Variants in COL6A3 observed in about 807,000 individuals in gnomAD.
COL6A3 encodes collagen type VI alpha 3 chain, also known as collagen alpha-3(VI) chain.
COL6A3 carries 137 observed loss-of-function variants against 274.1 expected under a neutral mutation model. The observed-to-expected ratio is 0.50, with a 90% CI of 0.44 to 0.58. The LOEUF (loss-of-function observed/expected upper bound fraction) is 0.58, where lower values mean the gene tolerates loss of function less well. Ranked by LOEUF, COL6A3 falls within the 20% of genes least tolerant of loss-of-function variation. The probability of loss-of-function intolerance (pLI) is 0.00; values close to 1 mark genes in which losing one functional copy is unlikely to be tolerated. For missense variants in COL6A3, 3,950 were observed against 4,124.9 expected (o/e 0.96, Z 1.16); for synonymous variants, 1,650 against 1,650.6 (o/e 1.00, Z 0.01).
intron 4 of COL6A3, among the ~76,000 whole-genome samples, chr2:237,385,103 G>A (rs2078112306): frequency 1.3e-5 from 2 of 152,102 alleles, no homozygotes; most frequent in Admixed American, 1.3e-4. Context: ...CCCTTCCCCA[G>A]TCTTCCTATC....
chr2:237,365,539 C>T (rs1180506974), intron 12 of COL6A3, among the ~76,000 whole-genome samples, 159 bp downstream of exon 12: 1 of 152,192 alleles, frequency 6.6e-6, no homozygotes, highest in African/African-American at 2.4e-5. Context: ...GAAGACAGTA[C>T]ATGACATTAG....
intron 39 of COL6A3, among the ~76,000 whole-genome samples, chr2:237,338,304 C>T (rs1256133324): frequency 1.3e-5 from 2 of 152,174 alleles, no homozygotes; most frequent in Non-Finnish European, 1.5e-5. Flanking sequence ...GAATGAGAGA[C>T]CACATGGAGC....
At position 237,368,518 on chromosome 2, in the gene COL6A3, A is replaced by C; in HGVS notation, c.4900+45T>G. Reference sequence around the variant, plus strand: ...TGATTACTTTTTTAACTAAAAAAAAAATGTTGATGTCACACTCTGTAGTCA... The same window carrying C: ...TGATTACTTTTTTAACTAAAAAAAACATGTTGATGTCACACTCTGTAGTCA... On this transcript the variant is annotated intron_variant, in intron 10 of 43. Transcript: ENST00000295550. The surrounding 1 kb of genome is among the most constrained non-coding windows in gnomAD (Gnocchi z 4.4). The C allele has an allele frequency of 6.2e-7, 1 of 1,601,508 alleles. No individual in the cohort carries two copies. The highest frequency in any genetic ancestry group is 8.5e-7 in the Non-Finnish European group (1 of 1,173,132).
At chr2:237,359,961 G>A in intron 17 of COL6A3, 127 bp downstream of exon 17, 1 of 939,426 alleles carries the variant, frequency 1.1e-6, no homozygotes, top group Middle Eastern at 2.9e-4. Flanking sequence ...TCCAATGAGA[G>A]GTCACGGGCT....
chr2:237,357,131 G>T, intron 23 of COL6A3: 1 of 693,654 alleles, frequency 1.4e-6, no homozygotes, highest in East Asian at 2.5e-5. Context: ...TATGTTTTTG[G>T]GGAGAGCAAG....
intron 3 of COL6A3, among the ~76,000 whole-genome samples, chr2:237,392,557 T>C (rs867739259): frequency 1.3e-5 from 2 of 152,222 alleles, no homozygotes; most frequent in South Asian, 4.1e-4. Flanking sequence ...ATCTTGGTGG[T>C]AACCATTTTT....
chr2:237,339,083 C>A lies in COL6A3; in HGVS notation c.8499G>T (p.Arg2833Ser). ...CCCCTTGGAACCAATCACACTGTTT[C>A]CTGATATCTGGGGACAAGTAAAAAG... Reference protein sequence around the residue: ...ENAFYLSPDIRKQCDWFQGDQ... With the variant: ...ENAFYLSPDISKQCDWFQGDQ... Residue 2833 changes from arginine to serine, a missense_variant, in exon 39 of 44, where the codon AGG (arginine) becomes AGT (serine). Coordinates refer to ENST00000295550, the MANE Select transcript of COL6A3 (RefSeq NM_004369.4). 1 of 1,614,046 alleles carries A rather than the reference C, an allele frequency of 6.2e-7. No homozygotes were observed. Among genetic ancestry groups the A allele is most frequent in the Non-Finnish European group, 8.5e-7 (1 of 1,180,000 alleles).
At chr2:237,408,438 G>A (rs34843977) in intron 1 of COL6A3, among the ~76,000 whole-genome samples, 6,314 of 152,286 alleles carry the variant, frequency 0.041, 159 homozygotes, top group Non-Finnish European at 0.052. Context: ...CCGCCGGGCC[G>A]GCTGTGGGTT....
intron 42 of COL6A3, chr2:237,327,779 G>A (rs1277439697): frequency 6.6e-6 from 1 of 151,674 alleles, no homozygotes; most frequent in African/African-American, 2.4e-5. Flanking sequence ...GAGACATGTC[G>A]TTTTGGCTGG....
Position 237,413,672 on chromosome 2 carries a change from G to A in COL6A3, c.-31+281C>T, listed in dbSNP as rs184558128. Reference sequence around the variant, plus strand: ...AAATCATGGGCCGAAACACACTGCCGCCCGGAATGCACAGGGCGCGTGTAG... The same window carrying A: ...AAATCATGGGCCGAAACACACTGCCACCCGGAATGCACAGGGCGCGTGTAG... On this transcript the variant is annotated intron_variant, in intron 1 of 43. Coordinates refer to ENST00000295550, the MANE Select transcript of COL6A3 (RefSeq NM_004369.4). The surrounding 1 kb of genome is among the most constrained non-coding windows in gnomAD (Gnocchi z 4.0). Among the ~76,000 whole-genome samples the A allele has an allele frequency of 4.6e-5, 7 of 152,316 alleles. No homozygotes were observed. The highest frequency in any genetic ancestry group is 3.3e-4 in the Admixed American group (5 of 15,306).
chr2:237,333,829 G>C (rs2106311086), intron 41 of COL6A3, among the ~76,000 whole-genome samples: 1 of 152,308 alleles, frequency 6.6e-6, no homozygotes, highest in East Asian at 1.9e-4. Context: ...GGAAAATAGA[G>C]CCCTAGGGTT....
intron 28 of COL6A3, among the ~76,000 whole-genome samples, chr2:237,349,253 G>T (rs2645766): frequency 0.23 from 34,588 of 151,990 alleles, 4,777 homozygotes; most frequent in African/African-American, 0.38. Context: ...TCAGAAGAAC[G>T]TGTGTGAATT....
Position 237,344,893 on chromosome 2 carries a change from A to G in COL6A3, c.7174+48T>C. On this transcript the variant is annotated intron_variant, in intron 35 of 43. Coordinates refer to ENST00000295550, the MANE Select transcript of COL6A3 (RefSeq NM_004369.4). The surrounding 1 kb of genome is among the most constrained non-coding windows in gnomAD (Gnocchi z 4.8). ...TTAAAGACAAACTGTACTTACTACA[A>G]AAGGGAGGCTTCCTTTCCTTAGGAG... 6.2e-7 allele frequency: 1 copy of G among 1,614,098 alleles called. No individual in the cohort carries two copies. The highest frequency in any genetic ancestry group is 8.5e-7 in the Non-Finnish European group (1 of 1,180,034).
chr2:237,380,771 AC>A, intron 5 of COL6A3, 143 bp downstream of exon 5: 1 of 798,892 alleles, frequency 1.3e-6, no homozygotes, highest in South Asian at 1.5e-5. Flanking sequence ...GCAAAAGGAA[AC>A]CTGGAATAAA....
chr2:237,354,472 C>G (rs1024791593), intron 24 of COL6A3, among the ~76,000 whole-genome samples: 12 of 152,148 alleles, frequency 7.9e-5, no homozygotes, highest in Non-Finnish European at 1.3e-4. Flanking sequence ...TTCACTAAGC[C>G]TAACTAAGGC....
At chr2:237,327,278 A>G (rs1397433925) in intron 42 of COL6A3, 1 of 152,144 alleles carries the variant, frequency 6.6e-6, no homozygotes, top group African/African-American at 2.4e-5. Flanking sequence ...GCGTTGGCCA[A>G]TGGACCCTAT....
Position 237,325,648 on chromosome 2 carries a change from T to C in COL6A3, c.9405A>G (p.Lys3135=). 2 of 1,614,140 alleles carry C rather than the reference T, an allele frequency of 1.2e-6. No individual in the cohort carries two copies. Among genetic ancestry groups the C allele is most frequent in the Non-Finnish European group, 1.7e-6 (2 of 1,179,994 alleles). ...CTCCATACCAGAATCTTGCACAGCT[T>C]TTGGTGTTTGGATCATAGTACCATT... ...ILKWYYDPNT[K]SCARFWYGGC... The change falls in exon 43 of 44, where the codon AAA becomes AAG. Residue 3135 remains lysine, a synonymous_variant. Coordinates refer to ENST00000295550, the MANE Select transcript of COL6A3 (RefSeq NM_004369.4).
intron 30 of COL6A3, among the ~76,000 whole-genome samples, 166 bp downstream of exon 30, chr2:237,348,183 A>C (rs548205866): frequency 5.4e-4 from 82 of 152,336 alleles, no homozygotes; most frequent in African/African-American, 1.8e-3. Flanking sequence ...CCTCCACTTG[A>C]CAGATGAGAG....
At position 237,349,452 on chromosome 2, in the gene COL6A3, C is replaced by A. The variant is rs193082752; in HGVS notation, c.6879+695G>T. ...AGATTAAAAGTAATACAAACAGATT[C>A]GTTTTTAAACTTCAGTTAGTTGAAA... is the stretch of plus-strand genomic sequence containing the variant. On this transcript the variant is annotated intron_variant, in intron 28 of 43. Coordinates refer to ENST00000295550, the MANE Select transcript of COL6A3 (RefSeq NM_004369.4). Among the ~76,000 whole-genome samples the A allele has an allele frequency of 3.9e-4, 60 of 152,252 alleles. No homozygotes were observed. The East Asian group carries it at 9.6e-3, about 24-fold the overall frequency.
Sources: gnomAD v4.1 joint callset for allele counts (sites outside exome capture counted in the v4.1 genomes callset) on GRCh38, gnomAD v4.1.1 for gene constraint, Gnocchi (gnomAD v3.1) non-coding constraint, MANE v1.5 for transcripts, NCBI Gene and HGNC (gene_info 2026-07-23, HGNC 2026-07-21) for gene names.